GOLPH3L: variants seen among roughly 807,000 people sequenced by gnomAD.
GOLPH3L encodes the protein golgi phosphoprotein 3 like.
In GOLPH3L, 22 loss-of-function variants were observed where a neutral mutation model predicts 30.3. The ratio of observed to expected loss-of-function variants is 0.73; its 90% CI spans 0.52 to 1.04. The LOEUF (loss-of-function observed/expected upper bound fraction) is 1.04. Among genes scored for constraint, GOLPH3L ranks in the 50% least tolerant of loss-of-function variants. The pLI is 0.00. For missense variants in GOLPH3L, 303 were observed against 345.8 expected, an observed-to-expected ratio of 0.88 and a Z score of 0.98; for synonymous variants, 120 against 128.2, an observed-to-expected ratio of 0.94 and a Z score of 0.43.
intron 2 of GOLPH3L, among the ~76,000 whole-genome samples, chr1:150,678,284 C>CAAAAAAAA (rs75131824): frequency 0.059 from 2,692 of 45,490 alleles, 264 homozygotes; most frequent in South Asian, 0.092. Flanking sequence ...AACTCCGTCT[C>CAAAAAAAA]AAAAAAAAAA....
At chr1:150,660,825 A>C (rs1261236230) in intron 4 of GOLPH3L, among the ~76,000 whole-genome samples, 3 of 152,224 alleles carry the variant, frequency 2.0e-5, no homozygotes, top group Non-Finnish European at 4.4e-5. Context: ...CAGAGTTTTA[A>C]TGGGTAATGA....
chr1:150,681,525 G>T (rs999383733), intron 2 of GOLPH3L, among the ~76,000 whole-genome samples: 3 of 152,116 alleles, frequency 2.0e-5, no homozygotes, highest in Non-Finnish European at 4.4e-5. Flanking sequence ...AGACTAAGCA[G>T]CGAGAAATAA....
At chr1:150,663,859 T>G in intron 2 of GOLPH3L, 96 bp from the exon 3 acceptor site, 1 of 963,800 alleles carries the variant, frequency 1.0e-6, no homozygotes, top group Non-Finnish European at 1.6e-6. Flanking sequence ...TGTGATTCGT[T>G]TCACATCATA....
At chr1:150,695,343 G>T (rs587633397) in intron 1 of GOLPH3L, among the ~76,000 whole-genome samples, 1 of 152,154 alleles carries the variant, frequency 6.6e-6, no homozygotes, top group Admixed American at 6.5e-5. Flanking sequence ...CACCATGTTG[G>T]CCAGGCTGGT....
chr1:150,661,917 C>T lies in GOLPH3L; in HGVS notation c.327G>A (p.Lys109=). ...KRLLDRKVLL[K]SDSPTGDVLL... ...AAACATCACCTGTTGGGCTGTCTGA[C>T]TTTAGCAGTACCTTTGAGAAAAGGA... The change falls in exon 4 of 5, where the codon AAG becomes AAA. Residue 109 remains lysine (K), a synonymous_variant. Transcript: ENST00000271732. The T allele has an allele frequency of 2.0e-6, 3 of 1,503,334 alleles. No homozygotes were observed. Among genetic ancestry groups the T allele is most frequent in the Non-Finnish European group, 2.8e-6 (3 of 1,078,890 alleles). 93.1% of individuals were successfully genotyped at this position (1,503,334 alleles called of 1,614,324 possible). A position where few individuals can be genotyped will look rare whatever the true frequency, so the allele number is the denominator to read the frequency against.
intron 2 of GOLPH3L, among the ~76,000 whole-genome samples, chr1:150,664,561 C>T (rs917162170): frequency 1.3e-5 from 2 of 152,072 alleles, no homozygotes; most frequent in African/African-American, 4.8e-5. Flanking sequence ...TCAAGCGATT[C>T]TCCTGCCTCA....
At chr1:150,669,641 A>G (rs1463987298) in intron 2 of GOLPH3L, among the ~76,000 whole-genome samples, 1 of 152,170 alleles carries the variant, frequency 6.6e-6, no homozygotes, top group African/African-American at 2.4e-5. Context: ...AATTTGCAGA[A>G]TAAGATATTC....
At chr1:150,688,729 T>C (rs1041130310) in intron 2 of GOLPH3L, among the ~76,000 whole-genome samples, 1 of 152,160 alleles carries the variant, frequency 6.6e-6, no homozygotes, top group African/African-American at 2.4e-5. Context: ...GCAGCCTGGG[T>C]GACAGAATGA....
intron 2 of GOLPH3L, among the ~76,000 whole-genome samples, chr1:150,693,797 A>ATGTGTGTG (rs796936730): frequency 0.013 from 817 of 60,922 alleles, 21 homozygotes; most frequent in African/African-American, 0.03. Flanking sequence ...TTGTTTATGT[A>ATGTGTGTG]TGTGTGTGTG....
At chr1:150,689,263 T>C (rs1651156295) in intron 2 of GOLPH3L, among the ~76,000 whole-genome samples, 1 of 151,986 alleles carries the variant, frequency 6.6e-6, no homozygotes, top group African/African-American at 2.4e-5. Context: ...ACAAATTAAA[T>C]AGATGAGAAA....
chr1:150,687,805 A>G (rs1651122116), intron 2 of GOLPH3L, among the ~76,000 whole-genome samples: 1 of 152,202 alleles, frequency 6.6e-6, no homozygotes, highest in Non-Finnish European at 1.5e-5. Flanking sequence ...GTTTGAAAAA[A>G]GATAACTGAC....
chr1:150,656,727 G>C (rs1163299683), intron 4 of GOLPH3L, among the ~76,000 whole-genome samples: 1 of 152,152 alleles, frequency 6.6e-6, no homozygotes, highest in African/African-American at 2.4e-5. Context: ...ATATGATCCT[G>C]AAAAAATTAT....
intron 4 of GOLPH3L, among the ~76,000 whole-genome samples, chr1:150,659,421 A>T (rs1176960289): frequency 6.6e-6 from 1 of 152,228 alleles, no homozygotes; most frequent in Non-Finnish European, 1.5e-5. Flanking sequence ...CTTAAACCAC[A>T]AACAATAGCA....
chr1:150,658,757 A>T (rs1650304622), intron 4 of GOLPH3L, among the ~76,000 whole-genome samples: 1 of 152,222 alleles, frequency 6.6e-6, no homozygotes, highest in Admixed American at 6.5e-5. Flanking sequence ...AAGAAGTATG[A>T]CAAGAGTTCC....
intron 2 of GOLPH3L, among the ~76,000 whole-genome samples, chr1:150,679,249 G>GTATT (rs1307274655): frequency 2.0e-5 from 3 of 152,166 alleles, no homozygotes; most frequent in Non-Finnish European, 4.4e-5. Flanking sequence ...TATGTCTGCA[G>GTATT]TATTCTACTT....
At position 150,694,658 on chromosome 1, in the gene GOLPH3L, CTT is replaced by C; in HGVS notation, c.179_180del (p.Lys60ArgfsTer9). ...EEVLLLGLKD[K>X]EGYTSFWNDC... is the part of the protein sequence containing the mutation. ...CCTAGCAAACCTAACTGCATTACCTCTTTATCTTTTAGTCCCAGAAGCAATAC... is the reference window on the plus strand; with the variant it reads ...CCTAGCAAACCTAACTGCATTACCTCTATCTTTTAGTCCCAGAAGCAATAC... On this transcript the variant is annotated frameshift_variant, in exon 2 of 5. Coordinates refer to ENST00000271732, the MANE Select transcript of GOLPH3L (RefSeq NM_018178.6). LOFTEE classifies it high-confidence loss of function. 1 of 1,591,744 alleles carries C rather than the reference CTT, an allele frequency of 6.3e-7. No homozygotes were observed. The highest frequency in any genetic ancestry group is 8.6e-7 in the Non-Finnish European group (1 of 1,167,584).
chr1:150,653,734 G>T lies in GOLPH3L; in HGVS notation c.431-4986C>A, dbSNP rs1219383929. Among the ~76,000 whole-genome samples, 5 of 151,598 alleles carry T rather than the reference G, an allele frequency of 3.3e-5. No homozygotes were observed. In the East Asian group the frequency reaches 9.7e-4, roughly 29 times the overall value. The stretch of plus-strand genomic sequence containing the variant: ...GTGTCCCAAAGTACTGGGATTACAG[G>T]TGTGAGCCACCACACCCACTACAAC... On this transcript the variant is annotated intron_variant, in intron 4 of 4. Coordinates refer to ENST00000271732, the MANE Select transcript of GOLPH3L (RefSeq NM_018178.6).
At chr1:150,668,998 T>A (rs587769101) in intron 2 of GOLPH3L, among the ~76,000 whole-genome samples, 1 of 152,326 alleles carries the variant, frequency 6.6e-6, no homozygotes, top group Admixed American at 6.5e-5. Flanking sequence ...AAAGAAATGA[T>A]GAAGATCAGG....
chr1:150,667,088 C>T (rs1650525715), intron 2 of GOLPH3L, among the ~76,000 whole-genome samples: 1 of 152,152 alleles, frequency 6.6e-6, no homozygotes, highest in Non-Finnish European at 1.5e-5. Context: ...AGCCTAGTTT[C>T]CCCACTTTAC....
Sources: allele counts gnomAD v4.1 joint callset (sites outside exome capture counted in the v4.1 genomes callset), GRCh38; gene constraint gnomAD v4.1.1; transcripts MANE v1.5; gene names NCBI Gene and HGNC (gene_info 2026-07-23, HGNC 2026-07-21).